Variants in LRRC49 observed in about 807,000 individuals in gnomAD.
LRRC49 encodes the protein leucine-rich repeat-containing protein 49.
LRRC49 carries 50 observed loss-of-function variants against 83.3 expected under a neutral mutation model. That is an observed-to-expected ratio of 0.60 (90% CI 0.48 to 0.76). The LOEUF is 0.76. Ranked by LOEUF, LRRC49 falls within the 30% of genes least tolerant of loss-of-function variation. LRRC49 has a pLI of 0.00. For missense variants in LRRC49, 704 were observed against 809.1 expected (o/e 0.87, Z 1.58); for synonymous variants, 286 against 283.3 (o/e 1.01, Z -0.10).
chr15:70,976,905 TA>T lies in LRRC49; in HGVS notation c.922-3193del, dbSNP rs1456209964. On this transcript the variant is annotated intron_variant, in intron 9 of 15. Transcript: ENST00000260382. ...GGCTGAAATATAGCTCTCAGATACATAAATTCCTTAAAATATTCAATATTTG... is the reference window on the plus strand; with the variant it reads ...GGCTGAAATATAGCTCTCAGATACATAATTCCTTAAAATATTCAATATTTG... 4.6e-5 allele frequency among the ~76,000 whole-genome samples: 7 copies of T among 152,300 alleles called. No homozygotes were observed. In the East Asian group the frequency reaches 1.4e-3, roughly 29 times the overall value.
chr15:71,027,882 G>A (rs185721539), intron 14 of LRRC49, among the ~76,000 whole-genome samples: 245 of 152,168 alleles, frequency 1.6e-3, no homozygotes, highest in African/African-American at 5.7e-3. Flanking sequence ...CAGTCATGTC[G>A]TCTGCAAACA....
intron 1 of LRRC49, among the ~76,000 whole-genome samples, chr15:70,872,179 C>T (rs1034540233): frequency 4.6e-5 from 7 of 152,332 alleles, no homozygotes; most frequent in African/African-American, 7.2e-5. Context: ...AGATCACTCA[C>T]GGTCAGGAGC....
intron 14 of LRRC49, among the ~76,000 whole-genome samples, chr15:71,029,192 T>A (rs1445159386): frequency 6.6e-6 from 1 of 152,218 alleles, no homozygotes; most frequent in Non-Finnish European, 1.5e-5. Context: ...GCTGCCTTAA[T>A]TTCATTATTT....
chr15:70,870,318 TCA>T (rs1300608857), intron 1 of LRRC49, among the ~76,000 whole-genome samples: 2 of 152,254 alleles, frequency 1.3e-5, no homozygotes, highest in Non-Finnish European at 2.9e-5. Context: ...TGCTGCAGTA[TCA>T]CACTAGCTCA....
At chr15:70,891,369 C>T (rs2033556825), upstream of LRRC49, among the ~76,000 whole-genome samples, 1 of 152,150 alleles carries the variant, frequency 6.6e-6, no homozygotes, top group Non-Finnish European at 1.5e-5. Flanking sequence ...CAAGCTCCAT[C>T]ATCTTCATCT....
At chr15:70,987,075 A>G (rs2037652639) in intron 11 of LRRC49, among the ~76,000 whole-genome samples, 1 of 152,130 alleles carries the variant, frequency 6.6e-6, no homozygotes, top group Non-Finnish European at 1.5e-5. Context: ...ATGTTCATCA[A>G]GGATATTGGT....
chr15:70,938,473 G>A (rs1336687059), intron 8 of LRRC49, among the ~76,000 whole-genome samples: 2 of 152,100 alleles, frequency 1.3e-5, no homozygotes, highest in Admixed American at 6.5e-5. Context: ...GTTTCCAGCG[G>A]ATCTGCTTTT....
intron 11 of LRRC49, among the ~76,000 whole-genome samples, chr15:70,998,293 T>C (rs1014150053): frequency 6.6e-6 from 1 of 152,316 alleles, no homozygotes; most frequent in East Asian, 1.9e-4. Flanking sequence ...TTTCTTCGTA[T>C]GACTTCAAGT....
At chr15:71,025,948 C>T (rs1013824845) in intron 14 of LRRC49, among the ~76,000 whole-genome samples, 15 of 152,142 alleles carry the variant, frequency 9.9e-5, no homozygotes, top group African/African-American at 3.6e-4. Flanking sequence ...ACCCCACTGT[C>T]AACATTAGAT....
At chr15:70,961,141 C>T (rs2036588790) in intron 8 of LRRC49, among the ~76,000 whole-genome samples, 1 of 152,048 alleles carries the variant, frequency 6.6e-6, no homozygotes, top group South Asian at 2.1e-4. Context: ...AAAGAAGATA[C>T]ATGGATGGCA....
intron 14 of LRRC49, among the ~76,000 whole-genome samples, chr15:71,019,106 T>A (rs1034565275): frequency 7.2e-5 from 11 of 152,152 alleles, no homozygotes; most frequent in African/African-American, 2.7e-4. Flanking sequence ...CTGAATCTTG[T>A]CCTTTTGGGT....
At chr15:71,044,625 C>CA (rs937782577) in intron 15 of LRRC49, among the ~76,000 whole-genome samples, 27 of 151,832 alleles carry the variant, frequency 1.8e-4, no homozygotes, top group Middle Eastern at 3.4e-3. Flanking sequence ...CACATCTTTA[C>CA]AAAAAATAAA....
intron 9 of LRRC49, among the ~76,000 whole-genome samples, chr15:70,974,816 A>G (rs751323602): frequency 3.9e-5 from 6 of 152,194 alleles, no homozygotes; most frequent in Non-Finnish European, 8.8e-5. Context: ...CTGACCCTCT[A>G]CAGAAAAAGT....
intron 14 of LRRC49, among the ~76,000 whole-genome samples, chr15:71,017,709 A>G (rs936761556): frequency 1.3e-5 from 2 of 152,204 alleles, no homozygotes; most frequent in Non-Finnish European, 2.9e-5. Context: ...CAATAATATC[A>G]ATGACTTATT....
At position 71,049,618 on chromosome 15, in the gene LRRC49, G is replaced by A. The variant is rs1286911078; in HGVS notation, c.*6G>A. On this transcript the variant is annotated 3_prime_UTR_variant, in exon 16 of 16. Transcript: ENST00000260382. ...AGATAACAGACCAAAAATAAAAATG[G>A]CCTTTAGTTACAGTTGATTTTGGCA... 2 of 1,594,296 alleles carry A rather than the reference G, an allele frequency of 1.3e-6. No individual in the cohort carries two copies. Among genetic ancestry groups the A allele is most frequent in the Admixed American group, 1.8e-5 (1 of 55,874 alleles).
intron 5 of LRRC49, among the ~76,000 whole-genome samples, chr15:70,907,023 A>G (rs574948906): frequency 6.6e-6 from 1 of 152,334 alleles, no homozygotes; most frequent in Non-Finnish European, 1.5e-5. Flanking sequence ...GAGCCCTAAA[A>G]CAAATGCCAA....
intron 8 of LRRC49, among the ~76,000 whole-genome samples, chr15:70,958,418 A>G (rs1472850643): frequency 6.6e-6 from 1 of 152,190 alleles, no homozygotes; most frequent in Non-Finnish European, 1.5e-5. Flanking sequence ...ACACATAGAA[A>G]AGCAGATTTG....
At chr15:70,885,801 T>G (rs2033390739) in intron 2 of LRRC49, among the ~76,000 whole-genome samples, 1 of 152,160 alleles carries the variant, frequency 6.6e-6, no homozygotes, top group African/African-American at 2.4e-5. Flanking sequence ...TCTTAGTAAT[T>G]AAGATAAAAA....
At chr15:70,999,901 C>T (rs77864844) in intron 11 of LRRC49, among the ~76,000 whole-genome samples, 3,047 of 152,274 alleles carry the variant, frequency 0.02, 58 homozygotes, top group Middle Eastern at 0.034. Flanking sequence ...TAGGGAAGCT[C>T]CAGGGCAAGT....
Sources: gnomAD v4.1 joint callset for allele counts (sites outside exome capture counted in the v4.1 genomes callset) on GRCh38, gnomAD v4.1.1 for gene constraint, MANE v1.5 for transcripts, NCBI Gene and HGNC (gene_info 2026-07-23, HGNC 2026-07-21) for gene names.